CLEC4A: variants seen among roughly 807,000 people sequenced by gnomAD.
CLEC4A encodes the protein C-type lectin domain family 4 member A.
A neutral mutation model predicts 32.7 loss-of-function variants in CLEC4A; 27 were observed. The ratio of observed to expected loss-of-function variants is 0.83; its 90% confidence interval spans 0.61 to 1.14. CLEC4A has a LOEUF of 1.14. Among genes scored for constraint, CLEC4A ranks in the 50% most tolerant of loss-of-function variants. The pLI is 0.00. For missense variants in CLEC4A, 253 were observed against 274.6 expected, an observed-to-expected ratio of 0.92 and a Z score of 0.55; for synonymous variants, 89 against 93.7, an observed-to-expected ratio of 0.95 and a Z score of 0.29.
At chr12:8,114,281 G>A in the CLEC4A span, among the ~76,000 whole-genome samples, 16 of 151,628 alleles carry the variant, frequency 1.1e-4, no homozygotes, top group Admixed American at 1.3e-4. Context: ...GTCTTGCTCT[G>A]TCGCCCAGGC....
intron 1 of CLEC4A, among the ~76,000 whole-genome samples, chr12:8,125,244 G>A (rs769672496): frequency 6.6e-5 from 10 of 152,126 alleles, no homozygotes; most frequent in East Asian, 1.9e-4. Context: ...TATGTCAATC[G>A]TGGGAAAATT....
At chr12:8,115,093 ACTGT>A in the CLEC4A span, among the ~76,000 whole-genome samples, 1 of 152,188 alleles carries the variant, frequency 6.6e-6, no homozygotes, top group African/African-American at 2.4e-5. Context: ...CTAAGTGCAG[ACTGT>A]CTGTCTACCT....
chr12:8,134,783 C>G, intron 3 of CLEC4A: 4 of 1,552,774 alleles, frequency 2.6e-6, no homozygotes, highest in Non-Finnish European at 3.5e-6. Context: ...GCTCCGGCCC[C>G]CCTGGCCCAT....
At chr12:8,125,497 G>A in intron 1 of CLEC4A, 64 bp from the exon 2 acceptor site, 1 of 838,870 alleles carries the variant, frequency 1.2e-6, no homozygotes, top group Non-Finnish European at 2.1e-6. Flanking sequence ...GAAAGAGGAG[G>A]AGGAAGAAGA....
intron 3 of CLEC4A, chr12:8,134,132 A>G (rs1948049083): frequency 1.9e-6 from 3 of 1,602,946 alleles, no homozygotes; most frequent in East Asian, 2.2e-5. Flanking sequence ...GTTGCCTCTC[A>G]CTTGGTTCTC....
the CLEC4A span, among the ~76,000 whole-genome samples, chr12:8,118,501 A>T: frequency 6.6e-6 from 1 of 152,098 alleles, no homozygotes; most frequent in Non-Finnish European, 1.5e-5. Context: ...CTGCTTTTTG[A>T]GGACACTTCA....
chr12:8,115,353 T>A, the CLEC4A span, among the ~76,000 whole-genome samples: 2 of 152,258 alleles, frequency 1.3e-5, no homozygotes, highest in South Asian at 4.1e-4. Context: ...TTGGGCCCCA[T>A]TCTCAAAATT....
the CLEC4A span, among the ~76,000 whole-genome samples, chr12:8,105,054 G>A: frequency 3.3e-5 from 5 of 152,154 alleles, no homozygotes; most frequent in African/African-American, 1.2e-4. Flanking sequence ...CGGCATACAT[G>A]TGTCTTTATG....
intron 2 of CLEC4A, 25 bp downstream of exon 2, chr12:8,125,702 A>C (rs1448858630): frequency 7.5e-7 from 1 of 1,324,576 alleles, no homozygotes; most frequent in Non-Finnish European, 1.1e-6. Flanking sequence ...TGAACCAATA[A>C]GCAATATCTG....
chr12:8,131,154 A>T (rs969842550), intron 3 of CLEC4A, among the ~76,000 whole-genome samples: 1 of 152,250 alleles, frequency 6.6e-6, no homozygotes, highest in Non-Finnish European at 1.5e-5. Context: ...ATTACATCAT[A>T]TCAAGGGCAT....
At chr12:8,123,123 G>A (rs931259636), upstream of CLEC4A, among the ~76,000 whole-genome samples, 1 of 152,162 alleles carries the variant, frequency 6.6e-6, no homozygotes, top group Admixed American at 6.5e-5. Context: ...GCGATTAAAA[G>A]GTTAGGGAAG....
At chr12:8,106,504 ATTC>A in the CLEC4A span, among the ~76,000 whole-genome samples, 3 of 152,118 alleles carry the variant, frequency 2.0e-5, no homozygotes, top group African/African-American at 7.2e-5. Context: ...AACAATATTG[ATTC>A]TTCTTATCCA....
In CLEC4A at chr12:8,131,620, G is replaced by A. The variant is rs143893412; in HGVS notation, c.298+2258G>A. ...ATTTAAATGTAAATCTCATCCAAAA[G>A]CATTTTCACAGAAACATCCAGAATG... On this transcript the variant is annotated intron_variant, in intron 3 of 5. Transcript: ENST00000229332. Among the ~76,000 whole-genome samples the A allele has an allele frequency of 2.6e-4, 40 of 152,162 alleles. No homozygotes were observed. The East Asian group carries it at 7.7e-3, about 29-fold the overall frequency.
chr12:8,138,465 C>G lies in CLEC4A; in HGVS notation c.*178C>G. Reference sequence around the variant, plus strand: ...CTGATTCACTTTTTCATAAAGTGAGCATTTATTGAGCATTTTTTCATGTGC... The same window carrying G: ...CTGATTCACTTTTTCATAAAGTGAGGATTTATTGAGCATTTTTTCATGTGC... On this transcript the variant is annotated 3_prime_UTR_variant, in exon 6 of 6. Coordinates refer to ENST00000229332, the MANE Select transcript of CLEC4A (RefSeq NM_016184.4). 1 of 724,152 alleles carries G rather than the reference C, an allele frequency of 1.4e-6. No individual in the cohort carries two copies. Among genetic ancestry groups the G allele is most frequent in the Non-Finnish European group, 2.2e-6 (1 of 459,748 alleles). 44.9% of individuals were successfully genotyped at this position (724,152 alleles called of 1,614,324 possible).
At chr12:8,120,524 C>T (rs754915989), upstream of CLEC4A, among the ~76,000 whole-genome samples, 12 of 152,292 alleles carry the variant, frequency 7.9e-5, no homozygotes, top group East Asian at 1.7e-3. Context: ...AGAGAGTGAA[C>T]GAACAAGTGA....
At chr12:8,116,759 C>T in the CLEC4A span, among the ~76,000 whole-genome samples, 1 of 152,114 alleles carries the variant, frequency 6.6e-6, no homozygotes, top group Non-Finnish European at 1.5e-5. Context: ...GGATTCTGGA[C>T]AACAGGAATT....
At chr12:8,107,470 T>C in the CLEC4A span, among the ~76,000 whole-genome samples, 15 of 152,196 alleles carry the variant, frequency 9.9e-5, no homozygotes, top group African/African-American at 3.4e-4. Flanking sequence ...CTCTTCTTTA[T>C]ACATCCAGTA....
At chr12:8,116,137 T>A in the CLEC4A span, among the ~76,000 whole-genome samples, 1 of 152,200 alleles carries the variant, frequency 6.6e-6, no homozygotes, top group Non-Finnish European at 1.5e-5. Flanking sequence ...AATTTTTGTA[T>A]TTTTAGTAGA....
At chr12:8,129,588 C>T (rs749238892) in intron 3 of CLEC4A, among the ~76,000 whole-genome samples, 5 of 152,028 alleles carry the variant, frequency 3.3e-5, no homozygotes, top group Admixed American at 6.5e-5. Context: ...GTCAACAGAT[C>T]GAGACCATCC....
Sources: allele counts gnomAD v4.1 joint callset (sites outside exome capture counted in the v4.1 genomes callset), GRCh38; gene constraint gnomAD v4.1.1; transcripts MANE v1.5; gene names NCBI Gene and HGNC (gene_info 2026-07-23, HGNC 2026-07-21).